Variants in NFYC observed in about 807,000 individuals in gnomAD.
NFYC encodes CAAT box DNA-binding protein subunit C.
NFYC carries 25 observed loss-of-function variants against 53.1 expected under a neutral mutation model. That is an observed-to-expected ratio of 0.47 (90% confidence interval 0.34 to 0.66). The LOEUF (loss-of-function observed/expected upper bound fraction) is 0.66, where lower values mean the gene tolerates loss of function less well. Ranked by LOEUF, NFYC falls within the 30% of genes least tolerant of loss-of-function variation. The probability of loss-of-function intolerance (pLI) is 0.01; values close to 1 mark genes in which losing one functional copy is unlikely to be tolerated. For missense variants in NFYC, 260 were observed against 422.7 expected, an observed-to-expected ratio of 0.62 and a Z score of 3.38; for synonymous variants, 145 against 152.6, an observed-to-expected ratio of 0.95 and a Z score of 0.37.
intron 4 of NFYC, among the ~76,000 whole-genome samples, chr1:40,751,107 C>T (rs1231659844): frequency 2.6e-5 from 4 of 152,162 alleles, no homozygotes; most frequent in Non-Finnish European, 5.9e-5. Context: ...TTTATACTAC[C>T]TCAAAACTGG....
intron 6 of NFYC, among the ~76,000 whole-genome samples, chr1:40,762,514 C>T (rs1646599903): frequency 6.6e-6 from 1 of 152,198 alleles, no homozygotes; most frequent in Non-Finnish European, 1.5e-5. Context: ...TTCACCTGCC[C>T]CAGACTTGAC....
At chr1:40,743,700 G>A (rs535368387) in intron 2 of NFYC, among the ~76,000 whole-genome samples, 12 of 152,274 alleles carry the variant, frequency 7.9e-5, no homozygotes, top group African/African-American at 2.6e-4. Context: ...ATGAAGGTTG[G>A]TGGACTGTTA....
intron 4 of NFYC, 143 bp downstream of exon 4, chr1:40,749,829 C>T: frequency 1.6e-6 from 1 of 643,498 alleles, no homozygotes; most frequent in African/African-American, 1.8e-5. Context: ...TCCTTTAGGC[C>T]TCTATCAAGC....
In NFYC at chr1:40,691,830, G is replaced by T. The variant is rs549105512; in HGVS notation, c.-46G>T. The T allele has an allele frequency of 4.6e-6, 2 of 435,450 alleles. No homozygotes were observed. Among genetic ancestry groups the T allele is most frequent in the South Asian group, 3.2e-5 (2 of 62,820 alleles). The allele number at this position is 435,450 out of a possible 1,614,324, so 27.0% of individuals were successfully genotyped here. A position where few individuals can be genotyped will look rare whatever the true frequency, so the allele number is the denominator to read the frequency against. ...GCATTGCCCGACTCCGTAGGAGCGC[G>T]GGGGCGGCTCCTGCTCTTCCTGGAC... On this transcript the variant is annotated 5_prime_UTR_variant, in exon 1 of 10. Coordinates refer to ENST00000447388, the MANE Select transcript of NFYC (RefSeq NM_014223.5).
chr1:40,758,459 G>A (rs1646351746), intron 6 of NFYC, 165 bp downstream of exon 6: 2 of 736,728 alleles, frequency 2.7e-6, no homozygotes, highest in Non-Finnish European at 4.3e-6. Context: ...GGGGTGAGAT[G>A]TTACCCTAAT....
intron 7 of NFYC, 73 bp from the exon 8 acceptor site, chr1:40,766,523 G>A: frequency 1.8e-6 from 2 of 1,128,584 alleles, no homozygotes; most frequent in Admixed American, 4.4e-5. Flanking sequence ...CAACATCTCT[G>A]GTCATGGAAA....
Position 40,762,983 on chromosome 1 carries a change from T to A in NFYC, c.657T>A (p.Thr219=), listed in dbSNP as rs750107569. The change falls in exon 7 of 10, where the codon ACT becomes ACA. Residue 219 remains threonine (T), a synonymous_variant. Coordinates refer to ENST00000447388, the MANE Select transcript of NFYC (RefSeq NM_014223.5). ...AAGCCCAACAGGCCCAGAGTGGCAC[T>A]GGACAGACCATGCAGGTGATGCAGC... ...QGQAQQAQSG[T]GQTMQVMQQI... The A allele has an allele frequency of 1.2e-6, 2 of 1,612,126 alleles. No individual in the cohort carries two copies. Among genetic ancestry groups the A allele is most frequent in the Non-Finnish European group, 1.7e-6 (2 of 1,178,936 alleles).
intron 1 of NFYC, among the ~76,000 whole-genome samples, chr1:40,725,611 C>G (rs993646178): frequency 6.6e-5 from 10 of 152,096 alleles, no homozygotes; most frequent in Non-Finnish European, 1.3e-4. Flanking sequence ...TAAATCCTAC[C>G]CCCCTTTCCC....
rs192162025 is a variant in NFYC, at chr1:40,731,675, G to A, written c.-8-7161G>A. Among the ~76,000 whole-genome samples the A allele has an allele frequency of 5.9e-4, 89 of 150,988 alleles. 1 individual carries two copies. Among genetic ancestry groups the A allele is most frequent in the African/African-American group, 2.1e-3 (85 of 41,028 alleles). The stretch of plus-strand genomic sequence containing the variant: ...AATTTTTTATATTTTTAGTAGAGAT[G>A]GGGTTTCACCATGTTGGCCAGGATG... On this transcript the variant is annotated intron_variant, in intron 1 of 9. Transcript: ENST00000447388.
chr1:40,739,739 G>T (rs552001798), intron 2 of NFYC, among the ~76,000 whole-genome samples: 4 of 152,340 alleles, frequency 2.6e-5, no homozygotes, highest in Admixed American at 6.5e-5. Flanking sequence ...ACAGTGATGA[G>T]TCCTGAAGCA....
chr1:40,771,045 G>A lies in NFYC; in HGVS notation c.*217G>A. The A allele has an allele frequency of 1.7e-6, 1 of 587,998 alleles. No homozygotes were observed. Among genetic ancestry groups the A allele is most frequent in the East Asian group, 2.8e-5 (1 of 35,814 alleles). 36.4% of individuals were successfully genotyped at this position (587,998 alleles called of 1,614,324 possible). A position where few individuals can be genotyped will look rare whatever the true frequency, so the allele number is the denominator to read the frequency against. ...CTTTTTTTCCATTTTTTTCTCTAAGGAATCAATATTTCAATATGTTGAGTG... is the reference window on the plus strand; with the variant it reads ...CTTTTTTTCCATTTTTTTCTCTAAGAAATCAATATTTCAATATGTTGAGTG... On this transcript the variant is annotated 3_prime_UTR_variant, in exon 10 of 10. Coordinates refer to ENST00000447388, the MANE Select transcript of NFYC (RefSeq NM_014223.5).
chr1:40,732,878 AT>A (rs963372808), intron 1 of NFYC, among the ~76,000 whole-genome samples: 2 of 151,944 alleles, frequency 1.3e-5, no homozygotes, highest in African/African-American at 4.8e-5. Flanking sequence ...TTTCAGGTAG[AT>A]TTCTGATTGC....
At chr1:40,753,511 G>A (rs140768959) in intron 5 of NFYC, among the ~76,000 whole-genome samples, 2,294 of 152,320 alleles carry the variant, frequency 0.015, 175 homozygotes, top group Admixed American at 0.14. Context: ...CTCATTTCAA[G>A]TTATCTTAGG....
chr1:40,693,559 G>T (rs566699637), intron 1 of NFYC, among the ~76,000 whole-genome samples: 1 of 152,182 alleles, frequency 6.6e-6, no homozygotes, highest in South Asian at 2.1e-4. Flanking sequence ...AGTAGCAGAG[G>T]AAGAGAATTG....
chr1:40,771,464 T>TC lies in NFYC; in HGVS notation c.*639dup, dbSNP rs1557961486. 8.5e-6 allele frequency: 4 copies of TC among 470,568 alleles called. No individual in the cohort carries two copies. Among genetic ancestry groups the TC allele is most frequent in the Non-Finnish European group, 4.4e-6 (1 of 226,742 alleles). 29.1% of individuals were successfully genotyped at this position (470,568 alleles called of 1,614,324 possible). On this transcript the variant is annotated 3_prime_UTR_variant, in exon 10 of 10. Coordinates refer to ENST00000447388, the MANE Select transcript of NFYC (RefSeq NM_014223.5). ...GTGGATTCATTGCCACACTCTTTTC[T>TC]CCCAGGGACCCAGGAAACTAGGACT...
At chr1:40,764,313 G>C (rs1457866455) in intron 7 of NFYC, among the ~76,000 whole-genome samples, 1 of 152,332 alleles carries the variant, frequency 6.6e-6, no homozygotes, top group East Asian at 1.9e-4. Context: ...GATCAGTTTA[G>C]GAATTGTTCT....
Position 40,740,947 on chromosome 1 carries a change from T to TA in NFYC, c.105+2006dup, listed in dbSNP as rs201113964. ...GATTTTTTTTTTTTTTTAGTTGTAG[T>TA]AAAAAAACACATAAAATTTCGCCCC... On this transcript the variant is annotated intron_variant, in intron 2 of 9. Coordinates refer to ENST00000447388, the MANE Select transcript of NFYC (RefSeq NM_014223.5). Among the ~76,000 whole-genome samples the TA allele has an allele frequency of 2.0e-3, 301 of 151,790 alleles. 2 individuals are homozygous for TA. The East Asian group carries it at 0.028, about 14-fold the overall frequency.
chr1:40,764,531 C>T (rs1463504053), intron 7 of NFYC, among the ~76,000 whole-genome samples: 2 of 152,216 alleles, frequency 1.3e-5, no homozygotes, highest in Non-Finnish European at 2.9e-5. Context: ...ACCACAGGTT[C>T]ATTTAAGACA....
chr1:40,739,117 G>T (rs1645206583), intron 2 of NFYC, among the ~76,000 whole-genome samples, 169 bp downstream of exon 2: 1 of 152,214 alleles, frequency 6.6e-6, no homozygotes, highest in South Asian at 2.1e-4. Context: ...TGCCTTCCGT[G>T]AGGTAACTGC....
Sources: gnomAD v4.1 joint callset for allele counts (sites outside exome capture counted in the v4.1 genomes callset) on GRCh38, gnomAD v4.1.1 for gene constraint, MANE v1.5 for transcripts, NCBI Gene and HGNC (gene_info 2026-07-23, HGNC 2026-07-21) for gene names.